The following SUSD4 variants were observed in gnomAD, a reference collection of about 807,000 sequenced individuals.
The protein encoded by SUSD4 is sushi domain-containing protein 4.
A neutral mutation model predicts 50.5 loss-of-function variants in SUSD4; 41 were observed. The observed-to-expected ratio is 0.81, with a 90% CI of 0.63 to 1.05. SUSD4 has a LOEUF of 1.05. SUSD4 is among the 50% of genes least tolerant of loss of function. The pLI is 0.00. For missense variants in SUSD4, 580 were observed against 634.7 expected, an observed-to-expected ratio of 0.91 and a Z score of 0.93; for synonymous variants, 257 against 257.3, an observed-to-expected ratio of 1.00 and a Z score of 0.01.
At chr1:223,336,865 G>A (rs1009330047) in intron 2 of SUSD4, among the ~76,000 whole-genome samples, 3 of 152,076 alleles carry the variant, frequency 2.0e-5, no homozygotes, top group African/African-American at 7.2e-5. Flanking sequence ...GGTGAAATGT[G>A]ATGATTATGC....
chr1:223,310,686 TTC>T (rs1366435024), intron 2 of SUSD4, among the ~76,000 whole-genome samples: 1 of 152,230 alleles, frequency 6.6e-6, no homozygotes, highest in African/African-American at 2.4e-5. Context: ...CCTTACATAT[TTC>T]TGTTTCTTCC....
intron 3 of SUSD4, among the ~76,000 whole-genome samples, chr1:223,286,643 C>A (rs995944550): frequency 3.3e-5 from 5 of 152,330 alleles, no homozygotes; most frequent in Middle Eastern, 3.4e-3. Context: ...ACACTCATGG[C>A]CAAGTGACTA....
chr1:223,286,530 G>A (rs1664153031), intron 3 of SUSD4, among the ~76,000 whole-genome samples: 1 of 152,224 alleles, frequency 6.6e-6, no homozygotes, highest in Non-Finnish European at 1.5e-5. Flanking sequence ...GGGATTACAG[G>A]CATGAGCCAC....
rs1324643216 is a variant in SUSD4, at chr1:223,240,756, C to A, written c.725-11368G>T. Among the ~76,000 whole-genome samples the A allele has an allele frequency of 2.6e-5, 4 of 152,290 alleles. No individual in the cohort carries two copies. The South Asian group carries it at 8.3e-4, about 32-fold the overall frequency. ...TTAATCATAGTTGTTTTAAATCCAC[C>A]GTTTGTGAACCCCAACATTCCTGTC... On this transcript the variant is annotated intron_variant, in intron 5 of 8. Coordinates refer to ENST00000366878, the MANE Select transcript of SUSD4 (RefSeq NM_017982.4).
At chr1:223,288,879 C>A (rs925187069) in intron 3 of SUSD4, among the ~76,000 whole-genome samples, 1 of 152,224 alleles carries the variant, frequency 6.6e-6, no homozygotes, top group Non-Finnish European at 1.5e-5. Context: ...CTACTCCTTG[C>A]AGCAAGAGCT....
intron 2 of SUSD4, among the ~76,000 whole-genome samples, chr1:223,351,016 C>T (rs959901259): frequency 3.9e-5 from 6 of 152,068 alleles, no homozygotes; most frequent in Non-Finnish European, 7.3e-5. Context: ...AATCTTACTA[C>T]ATAATAGGCA....
chr1:223,270,222 C>G (rs944668223), intron 3 of SUSD4, among the ~76,000 whole-genome samples: 3 of 152,168 alleles, frequency 2.0e-5, no homozygotes, highest in East Asian at 3.9e-4. Context: ...CTTGTAAGCC[C>G]AGGTCTGCCC....
chr1:223,351,869 G>A (rs1323414121), intron 2 of SUSD4, among the ~76,000 whole-genome samples: 1 of 151,972 alleles, frequency 6.6e-6, no homozygotes, highest in East Asian at 1.9e-4. Context: ...CAATGGGCTG[G>A]TACAGTCTTT....
At position 223,328,024 on chromosome 1, in the gene SUSD4, T is replaced by C. The variant is rs550098811; in HGVS notation, c.148+35254A>G. On this transcript the variant is annotated intron_variant, in intron 2 of 8. Coordinates refer to ENST00000366878, the MANE Select transcript of SUSD4 (RefSeq NM_017982.4). ...CTTTATCCACAAAGGCAACCTTTTC[T>C]TCCATACTCAAGAGTGGAGAAAGAG... Among the ~76,000 whole-genome samples the C allele has an allele frequency of 7.2e-5, 11 of 152,276 alleles. No individual in the cohort carries two copies. The South Asian group carries it at 8.3e-4, about 11-fold the overall frequency.
chr1:223,313,011 T>C (rs946155190), intron 2 of SUSD4, among the ~76,000 whole-genome samples: 3 of 152,236 alleles, frequency 2.0e-5, no homozygotes, highest in South Asian at 2.1e-4. Context: ...TGGCTGGCCT[T>C]GTCCCTGCTT....
In SUSD4 at chr1:223,227,732, G is replaced by A. The variant is rs1659611910; in HGVS notation, c.923C>T (p.Thr308Met). The A allele has an allele frequency of 2.5e-6, 4 of 1,611,396 alleles. No homozygotes were observed. The highest frequency in any genetic ancestry group is 3.4e-5 in the Admixed American group (2 of 59,696). ...GAGGGTCTCATGGGTGCTGGGCCAC[G>A]TTTGCTCTGCATGAGGGAGAACAAA... ...YQVYCIKSEQTWPSTHETLLT... is the reference protein window; with the variant it reads ...YQVYCIKSEQMWPSTHETLLT... Residue 308 changes from threonine to methionine, a missense_variant, in exon 7 of 9, where the codon ACG becomes ATG. Thr to Met is a moderately conservative substitution (Grantham distance 81). Transcript: ENST00000366878. The surrounding 1 kb of genome is among the most constrained non-coding windows in gnomAD (Gnocchi z 4.5).
chr1:223,248,275 C>T (rs924573351), intron 5 of SUSD4, among the ~76,000 whole-genome samples: 6 of 152,148 alleles, frequency 3.9e-5, no homozygotes, highest in Admixed American at 2.6e-4. Flanking sequence ...GCAAAGGCAT[C>T]GCATCAAGAC....
intron 2 of SUSD4, among the ~76,000 whole-genome samples, chr1:223,355,123 G>A (rs1668588040): frequency 6.6e-6 from 1 of 151,422 alleles, no homozygotes; most frequent in Admixed American, 6.6e-5. Context: ...TGCCCAGGCT[G>A]GAGTTCAGTG....
chr1:223,258,412 ACTTGTAGGTTCT>A (rs1661852004), intron 5 of SUSD4, among the ~76,000 whole-genome samples: 1 of 152,034 alleles, frequency 6.6e-6, no homozygotes, highest in Non-Finnish European at 1.5e-5. Context: ...ACCCCTGGGC[ACTTGTAGGTTCT>A]TAGGAAATCA....
intron 2 of SUSD4, among the ~76,000 whole-genome samples, chr1:223,297,040 C>T (rs1192760153): frequency 6.6e-6 from 1 of 152,170 alleles, no homozygotes; most frequent in African/African-American, 2.4e-5. Context: ...GTCCCCAAAG[C>T]AAGGAAAACA....
chr1:223,246,551 A>T (rs942444153), intron 5 of SUSD4, among the ~76,000 whole-genome samples: 2 of 151,686 alleles, frequency 1.3e-5, no homozygotes, highest in Non-Finnish European at 2.9e-5. Flanking sequence ...TAATCCAGGC[A>T]GGAGGGCAGT....
chr1:223,264,871 T>G, intron 4 of SUSD4, 53 bp from the exon 5 acceptor site: 1 of 1,570,328 alleles, frequency 6.4e-7, no homozygotes, highest in Non-Finnish European at 8.6e-7. Flanking sequence ...TCTCTGTACA[T>G]CGAAAAGTCA....
intron 5 of SUSD4, among the ~76,000 whole-genome samples, chr1:223,257,027 T>C (rs751321607): frequency 5.9e-5 from 9 of 152,198 alleles, no homozygotes; most frequent in Non-Finnish European, 1.2e-4. Context: ...GTGCTTGGCA[T>C]AGAGTAGGCA....
At chr1:223,318,194 T>G (rs1666343167) in intron 2 of SUSD4, among the ~76,000 whole-genome samples, 2 of 27,736 alleles carry the variant, frequency 7.2e-5, no homozygotes, top group African/African-American at 1.4e-4. Context: ...AACTCATCAT[T>G]TTTTATGGCT....
Sources: gnomAD v4.1 joint callset for allele counts (sites outside exome capture counted in the v4.1 genomes callset) on GRCh38, gnomAD v4.1.1 for gene constraint, Gnocchi (gnomAD v3.1) non-coding constraint, MANE v1.5 for transcripts, NCBI Gene and HGNC (gene_info 2026-07-23, HGNC 2026-07-21) for gene names.